The following SDK1 variants were observed in gnomAD, a reference collection of about 807,000 sequenced individuals.
The protein encoded by SDK1 is protein sidekick-1.
Under a neutral mutation model 245.5 loss-of-function variants are expected in SDK1, and 157 were observed. That is an observed-to-expected ratio of 0.64 (90% CI 0.56 to 0.73). SDK1 has a LOEUF of 0.73. Among genes scored for constraint, SDK1 ranks in the 30% least tolerant of loss-of-function variants. The pLI is 0.00. For synonymous variants in SDK1, 1,647 were observed against 1,278.5 expected (o/e 1.29, Z -6.15); for missense variants, 3,583 against 3,002.3 (o/e 1.19, Z -4.52).
intron 22 of SDK1, among the ~76,000 whole-genome samples, chr7:4,104,668 C>G (rs917960561): frequency 3.3e-5 from 5 of 152,154 alleles, no homozygotes; most frequent in African/African-American, 1.2e-4. Context: ...TTGACACACA[C>G]TATATATTTG....
chr7:4,017,135 A>C, intron 16 of SDK1, 36 bp from the exon 17 acceptor site: 1 of 1,569,570 alleles, frequency 6.4e-7, no homozygotes, highest in Non-Finnish European at 8.6e-7. Context: ...GGGTCCAGTT[A>C]TTTCCTTATC....
At chr7:3,822,556 G>C (rs971345962) in intron 5 of SDK1, among the ~76,000 whole-genome samples, 1 of 152,064 alleles carries the variant, frequency 6.6e-6, no homozygotes, top group Non-Finnish European at 1.5e-5. Flanking sequence ...TATTACTTGA[G>C]GTCAAGAGTT....
chr7:3,600,393 C>T (rs1781215680), intron 1 of SDK1, among the ~76,000 whole-genome samples: 1 of 151,942 alleles, frequency 6.6e-6, no homozygotes, highest in African/African-American at 2.4e-5. Context: ...TAGTTCTTTC[C>T]TTCCAGTATG....
At chr7:4,011,511 C>G (rs1427959048) in intron 15 of SDK1, among the ~76,000 whole-genome samples, 1 of 152,230 alleles carries the variant, frequency 6.6e-6, no homozygotes, top group Non-Finnish European at 1.5e-5. Context: ...TTAAGGGAAG[C>G]TGTCTCTGCA....
intron 5 of SDK1, among the ~76,000 whole-genome samples, chr7:3,838,707 C>T (rs182371819): frequency 6.6e-6 from 1 of 152,222 alleles, no homozygotes; most frequent in East Asian, 1.9e-4. Flanking sequence ...CTGCTCTCAA[C>T]TGGGGCATCA....
intron 17 of SDK1, among the ~76,000 whole-genome samples, chr7:4,044,102 C>T (rs576464766): frequency 2.0e-5 from 3 of 152,172 alleles, no homozygotes; most frequent in Non-Finnish European, 2.9e-5. Context: ...CATGATTTTG[C>T]GGGTCAGGAG....
chr7:3,604,643 C>A (rs1329100082), intron 1 of SDK1, among the ~76,000 whole-genome samples: 1 of 141,426 alleles, frequency 7.1e-6, no homozygotes, highest in Non-Finnish European at 1.5e-5. Flanking sequence ...GCTCTTGTTG[C>A]CCAGGCTGGA....
At chr7:4,147,467 T>C (rs1780055333) in intron 29 of SDK1, among the ~76,000 whole-genome samples, 1 of 152,074 alleles carries the variant, frequency 6.6e-6, no homozygotes, top group Non-Finnish European at 1.5e-5. Flanking sequence ...GGGGTCTTAC[T>C]ACGTTGCCCA....
chr7:3,345,890 T>G (rs1233032802), intron 1 of SDK1, among the ~76,000 whole-genome samples: 1 of 152,214 alleles, frequency 6.6e-6, no homozygotes, highest in Non-Finnish European at 1.5e-5. Context: ...GTGACATTGG[T>G]AGTCAGGCGT....
At chr7:3,343,571 ATCTTGGCTGTATCGATG>A (rs1316485810) in intron 1 of SDK1, among the ~76,000 whole-genome samples, 6 of 152,190 alleles carry the variant, frequency 3.9e-5, no homozygotes, top group Admixed American at 3.9e-4. Flanking sequence ...GAAATACTCT[ATCTTGGCTGTATCGATG>A]TCAATAATCT....
chr7:3,967,369 G>C lies in SDK1; in HGVS notation c.1481G>C (p.Gly494Ala), dbSNP rs368330862. ...CCAGTGGACACCACAGTTACTGACGGGATGACAGCCATTCTAAGGTGTGAG... is the reference window on the plus strand; with the variant it reads ...CCAGTGGACACCACAGTTACTGACGCGATGACAGCCATTCTAAGGTGTGAG... ...QRPVDTTVTD[G>A]MTAILRCEVS... The change falls in exon 10 of 45, where the codon GGG becomes GCG. Residue 494 changes from glycine (G) to alanine (A), a missense_variant. Physicochemically the swap from Gly to Ala is moderately conservative, Grantham distance 60. Coordinates refer to ENST00000404826, the MANE Select transcript of SDK1 (RefSeq NM_152744.4). The C allele has an allele frequency of 3.1e-6, 5 of 1,614,016 alleles. No homozygotes were observed. The African/African-American group carries it at 4.0e-5, about 13-fold the overall frequency.
chr7:3,437,776 A>G (rs1308154242), intron 1 of SDK1, among the ~76,000 whole-genome samples: 1 of 152,216 alleles, frequency 6.6e-6, no homozygotes, highest in African/African-American at 2.4e-5. Context: ...TACTAAAAAA[A>G]TTAGATATGA....
At chr7:3,674,865 T>A (rs1783841752) in intron 4 of SDK1, among the ~76,000 whole-genome samples, 1 of 152,156 alleles carries the variant, frequency 6.6e-6, no homozygotes, top group African/African-American at 2.4e-5. Context: ...GCTGGATTAA[T>A]GCTGGTAGAC....
At chr7:3,623,491 T>G (rs1782010407) in intron 2 of SDK1, among the ~76,000 whole-genome samples, 1 of 152,170 alleles carries the variant, frequency 6.6e-6, no homozygotes. Context: ...TCTGCCTGTC[T>G]CAGCCTCCCA....
At chr7:3,859,617 G>A (rs1157257206) in intron 5 of SDK1, among the ~76,000 whole-genome samples, 3 of 152,110 alleles carry the variant, frequency 2.0e-5, no homozygotes, top group Non-Finnish European at 4.4e-5. Flanking sequence ...ATTATCAACA[G>A]ACAAAGAAAG....
chr7:3,829,781 C>G (rs1328337882), intron 5 of SDK1, among the ~76,000 whole-genome samples: 2 of 152,162 alleles, frequency 1.3e-5, no homozygotes, highest in Admixed American at 6.5e-5. Flanking sequence ...GTCTTCTGTT[C>G]TGATATCAAA....
chr7:3,920,343 G>C (rs1026682547), intron 5 of SDK1, among the ~76,000 whole-genome samples: 1 of 152,298 alleles, frequency 6.6e-6, no homozygotes, highest in African/African-American at 2.4e-5. Flanking sequence ...ATGTCATTAG[G>C]CCTTGGACTG....
At chr7:4,050,050 C>G (rs1191486907) in intron 18 of SDK1, among the ~76,000 whole-genome samples, 3 of 152,200 alleles carry the variant, frequency 2.0e-5, no homozygotes, top group South Asian at 4.1e-4. Flanking sequence ...CAAAGCACAG[C>G]TGATCCTCCC....
intron 5 of SDK1, among the ~76,000 whole-genome samples, chr7:3,887,883 A>ATT (rs1781374126): frequency 6.6e-6 from 1 of 152,164 alleles, no homozygotes; most frequent in South Asian, 2.1e-4. Context: ...TTAGCAACTG[A>ATT]CGTAAGATTT....
Sources: allele counts gnomAD v4.1 joint callset (sites outside exome capture counted in the v4.1 genomes callset), GRCh38; gene constraint gnomAD v4.1.1; transcripts MANE v1.5; gene names NCBI Gene and HGNC (gene_info 2026-07-23, HGNC 2026-07-21).